The following PTPRA variants were observed in gnomAD, a reference collection of about 807,000 sequenced individuals.
PTPRA encodes receptor-type tyrosine-protein phosphatase alpha.
In PTPRA, 25 loss-of-function variants were observed where a neutral mutation model predicts 104.8. The observed-to-expected ratio is 0.24, with a 90% CI of 0.17 to 0.33. PTPRA has a LOEUF of 0.33. Among genes scored for constraint, PTPRA ranks in the 10% least tolerant of loss-of-function variants. The pLI, the probability that PTPRA is intolerant of heterozygous loss-of-function variation, is 1.00. For missense variants in PTPRA, 765 were observed against 1,015.3 expected (o/e 0.75, Z 3.35); for synonymous variants, 323 against 368.9 (o/e 0.88, Z 1.43).
At position 3,022,389 on chromosome 20, in the gene PTPRA, A is replaced by G. The variant is rs2064921311; in HGVS notation, c.1328+169A>G. On this transcript the variant is annotated intron_variant, in intron 15 of 23. Transcript: ENST00000399903. This position sits in a 1 kb window ranked among gnomAD's most constrained non-coding sequence, Gnocchi z 4.6. ...CAAGTTCTAGTGCAGGGTGGAGAAT[A>G]TGACTTGAGGAAGGAGGGTAGGGCA... Among the ~76,000 whole-genome samples, 1 of 152,200 alleles carries G rather than the reference A, an allele frequency of 6.6e-6. No individual in the cohort carries two copies. Among genetic ancestry groups the G allele is most frequent in the South Asian group, 2.1e-4 (1 of 4,834 alleles).
In PTPRA at chr20:2,988,310, G is replaced by A. The variant is rs375752824; in HGVS notation, c.602-28G>A. The A allele has an allele frequency of 6.8e-4, 1,078 of 1,575,918 alleles. 1 individual carries two copies. Among genetic ancestry groups the A allele is most frequent in the Non-Finnish European group, 8.6e-4 (1,009 of 1,167,324 alleles). On this transcript the variant is annotated intron_variant, in intron 8 of 23. Transcript: ENST00000399903. Reference sequence around the variant, plus strand: ...GAGGGGCTAGGTTCTCAGGGTACCTGACTGACCTTCTCCCTTGTGTACTGC... The same window carrying A: ...GAGGGGCTAGGTTCTCAGGGTACCTAACTGACCTTCTCCCTTGTGTACTGC...
rs572542006 is a variant in PTPRA at position 3,021,984 on chromosome 20, A to G, written c.1162-70A>G. 3 of 1,572,536 alleles carry G rather than the reference A, an allele frequency of 1.9e-6. No homozygotes were observed. The East Asian group carries it at 6.8e-5, about 35-fold the overall frequency. On this transcript the variant is annotated intron_variant, in intron 14 of 23. Coordinates refer to ENST00000399903, the MANE Select transcript of PTPRA (RefSeq NM_001385305.1). ...ATTGTCACTGACAACCACAGCTGTC[A>G]CCTTCCCTCCCCTGGTACTGCCCAC...
chr20:3,004,313 C>T (rs6133000), intron 9 of PTPRA, among the ~76,000 whole-genome samples: 2,295 of 152,330 alleles, frequency 0.015, 116 homozygotes, highest in Admixed American at 0.09. Flanking sequence ...CCACTTCACC[C>T]GGCCCCAATT....
chr20:2,905,690 CTTTTTTTTTT>C (rs11479039), intron 1 of PTPRA, among the ~76,000 whole-genome samples: 4 of 70,636 alleles, frequency 5.7e-5, no homozygotes, highest in Admixed American at 2.8e-4. Context: ...TCATAAAATT[CTTTTTTTTTT>C]TTTTTTTTTT....
At chr20:2,924,946 T>C (rs755905493) in intron 2 of PTPRA, among the ~76,000 whole-genome samples, 3 of 152,216 alleles carry the variant, frequency 2.0e-5, no homozygotes, top group Non-Finnish European at 4.4e-5. Flanking sequence ...CCCAAAGTGC[T>C]GGGATTACAG....
intron 1 of PTPRA, among the ~76,000 whole-genome samples, chr20:2,885,607 C>T (rs986708678): frequency 3.9e-5 from 6 of 152,078 alleles, no homozygotes; most frequent in Admixed American, 6.6e-5. Context: ...TCTTGCTTGC[C>T]CCAACAAACA....
rs138403902 is a variant in PTPRA at position 2,897,728 on chromosome 20, C to G, written c.-129+23968C>G. On this transcript the variant is annotated intron_variant, in intron 1 of 23. Coordinates refer to ENST00000399903, the MANE Select transcript of PTPRA (RefSeq NM_001385305.1). ...CACTCTAAGGAAAAGCTTTCTCTCT[C>G]TGGTTTTTGTCTTTGTTTTTGTTTG... Among the ~76,000 whole-genome samples the G allele has an allele frequency of 1.2e-3, 175 of 152,118 alleles. 2 individuals are homozygous for G. The highest frequency in any genetic ancestry group is 4.0e-3 in the African/African-American group (164 of 41,514).
the PTPRA span, chr20:2,865,088 TCTCCTGGTCTTCC>T: frequency 6.2e-7 from 1 of 1,614,154 alleles, no homozygotes; most frequent in Non-Finnish European, 8.5e-7. The surrounding 1 kb of genome is among the most constrained non-coding windows in gnomAD (Gnocchi z 5.2). Flanking sequence ...AGCCTCCTCG[TCTCCTGGTCTTCC>T]CTCCTGGTCC....
In PTPRA at chr20:2,998,125, T is replaced by C. The variant is rs1262512973; in HGVS notation, c.739-6931T>C. Among the ~76,000 whole-genome samples, 4 of 144,012 alleles carry C rather than the reference T, an allele frequency of 2.8e-5. No individual in the cohort carries two copies. In the Admixed American group the frequency reaches 2.9e-4, roughly 11 times the overall value. 94.5% of individuals were successfully genotyped at this position (144,012 alleles called of 152,430 possible). ...CTGCAGGAGCTACAGTGAGCTACAG[T>C]GATCACCGCACTGCCCTCCAGCCTC... On this transcript the variant is annotated intron_variant, in intron 9 of 23. Coordinates refer to ENST00000399903, the MANE Select transcript of PTPRA (RefSeq NM_001385305.1).
At chr20:2,904,485 A>G (rs922373743) in intron 1 of PTPRA, among the ~76,000 whole-genome samples, 2 of 152,098 alleles carry the variant, frequency 1.3e-5, no homozygotes, top group Admixed American at 6.6e-5. Context: ...CCTGGCCAAC[A>G]TGGTGAAACT....
At chr20:3,007,497 G>T in intron 11 of PTPRA, 77 bp downstream of exon 11, 1 of 1,428,770 alleles carries the variant, frequency 7.0e-7, no homozygotes, top group Non-Finnish European at 9.7e-7. Context: ...CCAGCTGTGT[G>T]TTAGGAGAAA....
intron 2 of PTPRA, among the ~76,000 whole-genome samples, chr20:2,936,154 C>A (rs995793405): frequency 6.6e-6 from 1 of 151,494 alleles, no homozygotes; most frequent in African/African-American, 2.4e-5. Context: ...CCCCTGCACC[C>A]AGCCTTATTT....
At chr20:2,917,894 G>A (rs2059961580) in intron 1 of PTPRA, among the ~76,000 whole-genome samples, 1 of 151,006 alleles carries the variant, frequency 6.6e-6, no homozygotes, top group Non-Finnish European at 1.5e-5. Context: ...TTCAAGACAA[G>A]CCTGGCCAAG....
intron 2 of PTPRA, among the ~76,000 whole-genome samples, chr20:2,931,309 G>A (rs967485910): frequency 2.0e-5 from 3 of 152,082 alleles, no homozygotes; most frequent in South Asian, 2.1e-4. Flanking sequence ...GAGACATTTC[G>A]AAAAAGTAGT....
chr20:2,929,816 C>T (rs1360895822), intron 2 of PTPRA, among the ~76,000 whole-genome samples: 2 of 151,950 alleles, frequency 1.3e-5, no homozygotes, highest in Non-Finnish European at 2.9e-5. Context: ...CAGAACAAGA[C>T]CCTGTCTCAA....
intron 1 of PTPRA, among the ~76,000 whole-genome samples, chr20:2,919,917 G>C (rs919613816): frequency 6.6e-6 from 1 of 152,154 alleles, no homozygotes; most frequent in Admixed American, 6.5e-5. Flanking sequence ...ATTTTGTAAC[G>C]TGGAAATTAT....
chr20:3,036,664 T>C (rs1173957948), intron 22 of PTPRA, among the ~76,000 whole-genome samples: 2 of 152,252 alleles, frequency 1.3e-5, no homozygotes, highest in Non-Finnish European at 2.9e-5. Context: ...ACTCAGTGTC[T>C]GGTGAGTGAA....
chr20:3,026,700 T>G lies in PTPRA; in HGVS notation c.1628T>G (p.Ile543Ser). The G allele has an allele frequency of 6.2e-7, 1 of 1,610,844 alleles. No individual in the cohort carries two copies. The highest frequency in any genetic ancestry group is 8.5e-7 in the Non-Finnish European group (1 of 1,177,324). The change falls in exon 18 of 24, where the codon ATC becomes AGC. Residue 543 changes from isoleucine to serine, a missense_variant. Physicochemically the swap from Ile to Ser is moderately radical, Grantham distance 142 (BLOSUM62 -2). This residue lies in a region of PTPRA where 192 missense variants were observed against 227.0 expected (regional missense o/e 0.85). Coordinates refer to ENST00000399903, the MANE Select transcript of PTPRA (RefSeq NM_001385305.1). ...LEEEFKKLTS[I>S]KIQNDKMRTG... is the part of the protein sequence containing the mutation. Reference sequence around the variant, plus strand: ...TTCCCAATTCAGAAGTTAACATCAATCAAAATCCAGAATGACAAGATGCGG... The same window carrying G: ...TTCCCAATTCAGAAGTTAACATCAAGCAAAATCCAGAATGACAAGATGCGG...
In PTPRA at chr20:3,026,710, G is replaced by T. The variant is rs2065163458; in HGVS notation, c.1638G>T (p.Gln546His). 2.5e-6 allele frequency: 4 copies of T among 1,612,502 alleles called. No homozygotes were observed. In the Admixed American group the frequency reaches 5.0e-5, roughly 20 times the overall value. The change falls in exon 18 of 24, where the codon CAG (glutamine) becomes CAT (histidine). Residue 546 changes from glutamine (Q) to histidine (H), a missense_variant. Gln to His is a conservative substitution (Grantham distance 24). This residue lies in a region of PTPRA where 192 missense variants were observed against 227.0 expected (regional missense o/e 0.85). Coordinates refer to ENST00000399903, the MANE Select transcript of PTPRA (RefSeq NM_001385305.1). ...EFKKLTSIKI[Q>H]NDKMRTGNLP... ...AGAAGTTAACATCAATCAAAATCCA[G>T]AATGACAAGATGCGGACTGGAAACC...
Sources: allele counts gnomAD v4.1 joint callset (sites outside exome capture counted in the v4.1 genomes callset), GRCh38; gene constraint gnomAD v4.1.1; regional missense constraint gnomAD v4.1.1; non-coding constraint Gnocchi (gnomAD v3.1); transcripts MANE v1.5; gene names NCBI Gene and HGNC (gene_info 2026-07-23, HGNC 2026-07-21).